Variants in SLC25A21 observed in about 807,000 individuals in gnomAD.
The protein encoded by SLC25A21 is mitochondrial 2-oxodicarboxylate carrier.
A neutral mutation model predicts 43.8 loss-of-function variants in SLC25A21; 47 were observed. The ratio of observed to expected loss-of-function variants is 1.07; its 90% CI spans 0.85 to 1.37. SLC25A21 has a LOEUF of 1.37. SLC25A21 is among the 40% of genes most tolerant of loss of function. SLC25A21 has a pLI of 0.00. For synonymous variants in SLC25A21, 131 were observed against 121.3 expected, an observed-to-expected ratio of 1.08 and a Z score of -0.52; for missense variants, 352 against 350.2, an observed-to-expected ratio of 1.00 and a Z score of -0.04.
intron 1 of SLC25A21, among the ~76,000 whole-genome samples, chr14:37,161,476 T>C (rs1963939353): frequency 6.6e-6 from 1 of 152,208 alleles, no homozygotes; most frequent in South Asian, 2.1e-4. Context: ...CAATAGAATG[T>C]CTGTTGTGGG....
chr14:37,060,727 C>T (rs1390372960), intron 1 of SLC25A21, among the ~76,000 whole-genome samples: 4 of 152,008 alleles, frequency 2.6e-5, no homozygotes, highest in Admixed American at 6.6e-5. Context: ...TCCAAGTTCT[C>T]CAACACTTAG....
chr14:37,008,257 T>C (rs1246807856), intron 1 of SLC25A21, among the ~76,000 whole-genome samples: 1 of 152,200 alleles, frequency 6.6e-6, no homozygotes, highest in East Asian at 1.9e-4. Context: ...TTCTTCTTAA[T>C]CTAAATGTCA....
intron 1 of SLC25A21, among the ~76,000 whole-genome samples, chr14:37,108,380 T>C (rs901660382): frequency 6.6e-6 from 1 of 151,938 alleles, no homozygotes; most frequent in African/African-American, 2.4e-5. Flanking sequence ...ATTAAGTCAC[T>C]ATTAACCATT....
intron 3 of SLC25A21, among the ~76,000 whole-genome samples, chr14:36,771,346 T>C (rs1886611330): frequency 6.6e-6 from 1 of 150,576 alleles, no homozygotes; most frequent in African/African-American, 2.4e-5. Context: ...CATTTTTGGA[T>C]GATAGCCAAG....
intron 2 of SLC25A21, among the ~76,000 whole-genome samples, chr14:36,863,096 C>T (rs1048467211): frequency 6.6e-6 from 1 of 152,024 alleles, no homozygotes; most frequent in African/African-American, 2.4e-5. Flanking sequence ...TTCACTTTCC[C>T]GTGACAAAGA....
At chr14:36,831,942 C>G (rs1359934569) in intron 2 of SLC25A21, among the ~76,000 whole-genome samples, 3 of 152,172 alleles carry the variant, frequency 2.0e-5, no homozygotes, top group Non-Finnish European at 4.4e-5. Context: ...CAGAAAAGAT[C>G]AGTGTAGTCT....
intron 2 of SLC25A21, among the ~76,000 whole-genome samples, chr14:36,826,764 C>A (rs1199313272): frequency 6.6e-6 from 1 of 152,194 alleles, no homozygotes; most frequent in Admixed American, 6.5e-5. Context: ...CGAACATTCC[C>A]TGAGAATGGG....
intron 1 of SLC25A21, among the ~76,000 whole-genome samples, chr14:37,044,443 C>T (rs933887961): frequency 1.3e-5 from 2 of 152,112 alleles, no homozygotes; most frequent in African/African-American, 4.8e-5. Flanking sequence ...ACTAAAGGTA[C>T]TCTTATCTAT....
chr14:37,084,977 T>A (rs1962456251), intron 1 of SLC25A21, among the ~76,000 whole-genome samples: 1 of 152,236 alleles, frequency 6.6e-6, no homozygotes, highest in South Asian at 2.1e-4. Context: ...ACTGGCATGA[T>A]AATACACATG....
At chr14:36,822,799 C>T (rs955522612) in intron 2 of SLC25A21, among the ~76,000 whole-genome samples, 2 of 152,200 alleles carry the variant, frequency 1.3e-5, no homozygotes, top group East Asian at 3.8e-4. Context: ...AATTGCAGTT[C>T]CTTTCACAAG....
At chr14:37,035,260 A>G (rs963456676) in intron 1 of SLC25A21, among the ~76,000 whole-genome samples, 2 of 152,212 alleles carry the variant, frequency 1.3e-5, no homozygotes, top group Non-Finnish European at 2.9e-5. Flanking sequence ...AGCGCTGCTT[A>G]CTAGTCCATC....
At chr14:37,104,698 G>A (rs1962879799) in intron 1 of SLC25A21, among the ~76,000 whole-genome samples, 1 of 152,150 alleles carries the variant, frequency 6.6e-6, no homozygotes, top group South Asian at 2.1e-4. Context: ...TCTTTTTACA[G>A]ATAATGAAAC....
intron 2 of SLC25A21, among the ~76,000 whole-genome samples, chr14:36,842,965 GATC>G (rs1889432900): frequency 6.6e-6 from 1 of 152,182 alleles, no homozygotes; most frequent in African/African-American, 2.4e-5. Context: ...TTCCATCTCA[GATC>G]ATCAAGCATT....
chr14:37,001,032 C>G (rs1960478205), intron 1 of SLC25A21, among the ~76,000 whole-genome samples: 1 of 152,152 alleles, frequency 6.6e-6, no homozygotes, highest in Non-Finnish European at 1.5e-5. Flanking sequence ...AGAATAGCAG[C>G]CTCACCACCA....
intron 1 of SLC25A21, among the ~76,000 whole-genome samples, chr14:37,120,594 A>G (rs555219941): frequency 6.6e-6 from 1 of 152,282 alleles, no homozygotes; most frequent in African/African-American, 2.4e-5. Flanking sequence ...AAGGAGCACC[A>G]GATCTGACTG....
At chr14:36,709,798 T>C (rs1045095318) in intron 7 of SLC25A21, among the ~76,000 whole-genome samples, 1 of 152,020 alleles carries the variant, frequency 6.6e-6, no homozygotes, top group African/African-American at 2.4e-5. Flanking sequence ...TTAGCCATAC[T>C]AGAAATAGTT....
At chr14:36,841,363 C>T (rs543467736) in intron 2 of SLC25A21, among the ~76,000 whole-genome samples, 7 of 152,248 alleles carry the variant, frequency 4.6e-5, no homozygotes, top group South Asian at 2.1e-4. Context: ...CTCTTCTATC[C>T]GTTCTTTAGA....
At chr14:36,766,022 C>T (rs1315821378) in intron 3 of SLC25A21, among the ~76,000 whole-genome samples, 1 of 132,664 alleles carries the variant, frequency 7.5e-6, no homozygotes, top group Non-Finnish European at 1.6e-5. Context: ...GTTGCCAAGT[C>T]ATTCCCTTCT....
intron 6 of SLC25A21, 131 bp downstream of exon 6, chr14:36,725,439 C>T (rs543608976): frequency 3.0e-6 from 1 of 328,428 alleles, no homozygotes; most frequent in East Asian, 1.1e-4. Context: ...TGCGCCATTG[C>T]ACTCCAGCCT....
Sources: allele counts gnomAD v4.1 joint callset (sites outside exome capture counted in the v4.1 genomes callset), GRCh38; gene constraint gnomAD v4.1.1; transcripts MANE v1.5; gene names NCBI Gene and HGNC (gene_info 2026-07-23, HGNC 2026-07-21).